The following HYAL4 variants were observed in gnomAD, a reference collection of about 807,000 sequenced individuals.
HYAL4 encodes the protein hyaluronidase-4.
In HYAL4, 37 loss-of-function variants were observed where a neutral mutation model predicts 35.2. The ratio of observed to expected loss-of-function variants is 1.05; its 90% CI spans 0.81 to 1.38. The LOEUF (loss-of-function observed/expected upper bound fraction) is 1.38. Among genes scored for constraint, HYAL4 ranks in the 40% most tolerant of loss-of-function variants. The pLI is 0.00. For missense variants in HYAL4, 572 were observed against 572.4 expected (o/e 1.00, Z 0.01); for synonymous variants, 198 against 203.2 (o/e 0.97, Z 0.22).
At chr7:123,818,090 T>A in the HYAL4 span, among the ~76,000 whole-genome samples, 3 of 152,184 alleles carry the variant, frequency 2.0e-5, no homozygotes, top group African/African-American at 7.2e-5. Flanking sequence ...TTGGCCAGGC[T>A]GGTCTCGAAC....
At chr7:123,778,194 T>TATCA in the HYAL4 span, among the ~76,000 whole-genome samples, 1 of 145,672 alleles carries the variant, frequency 6.9e-6, no homozygotes, top group South Asian at 2.2e-4. Context: ...TCTATCTATC[T>TATCA]ATCACCTATT....
chr7:123,821,105 A>T, the HYAL4 span, among the ~76,000 whole-genome samples: 1 of 152,194 alleles, frequency 6.6e-6, no homozygotes, highest in South Asian at 2.1e-4. Flanking sequence ...GTGCTGCAAT[A>T]TACATGGGAA....
At chr7:123,803,364 A>C in the HYAL4 span, among the ~76,000 whole-genome samples, 1 of 152,258 alleles carries the variant, frequency 6.6e-6, no homozygotes, top group Admixed American at 6.5e-5. Flanking sequence ...CGCCTTCACT[A>C]GACTGATTTA....
chr7:123,806,476 T>A, the HYAL4 span, among the ~76,000 whole-genome samples: 1 of 152,114 alleles, frequency 6.6e-6, no homozygotes, highest in African/African-American at 2.4e-5. Context: ...GGAGTTTCAC[T>A]CTTGTTGTCC....
chr7:123,814,050 C>T, the HYAL4 span: 1 of 152,096 alleles, frequency 6.6e-6, no homozygotes. Flanking sequence ...TTGTATACCA[C>T]AAAACTTAAG....
At chr7:123,869,740 T>A (rs1033020064) in intron 3 of HYAL4, among the ~76,000 whole-genome samples, 6 of 151,304 alleles carry the variant, frequency 4.0e-5, no homozygotes, top group African/African-American at 1.2e-4. Flanking sequence ...TAGGCTGGAG[T>A]GTAATGATGC....
chr7:123,848,845 G>A (rs1484698109), intron 2 of HYAL4, among the ~76,000 whole-genome samples: 4 of 152,126 alleles, frequency 2.6e-5, no homozygotes, highest in African/African-American at 9.7e-5. Context: ...AAAGGGCTCA[G>A]AAAGTGGATG....
chr7:123,784,828 G>A, the HYAL4 span, among the ~76,000 whole-genome samples: 2 of 152,098 alleles, frequency 1.3e-5, no homozygotes, highest in Non-Finnish European at 2.9e-5. Context: ...CTTGGTAGTC[G>A]CAGGTTGGAT....
intron 2 of HYAL4, among the ~76,000 whole-genome samples, chr7:123,852,376 T>A (rs939112350): frequency 1.6e-4 from 24 of 152,258 alleles, no homozygotes; most frequent in Non-Finnish European, 3.5e-4. Flanking sequence ...TTTTAGGTCT[T>A]AGGTTTAAGT....
At chr7:123,786,672 C>T in the HYAL4 span, among the ~76,000 whole-genome samples, 1 of 152,044 alleles carries the variant, frequency 6.6e-6, no homozygotes, top group African/African-American at 2.4e-5. Context: ...GTGTTGCAAC[C>T]TTAGCACATA....
intron 2 of HYAL4, among the ~76,000 whole-genome samples, chr7:123,866,825 T>A (rs1806699065): frequency 6.9e-6 from 1 of 145,768 alleles, no homozygotes; most frequent in African/African-American, 2.6e-5. Context: ...TGAGTCTCGC[T>A]CTGTTGCCAG....
At chr7:123,859,495 T>G (rs1806533341) in intron 2 of HYAL4, among the ~76,000 whole-genome samples, 1 of 152,182 alleles carries the variant, frequency 6.6e-6, no homozygotes, top group African/African-American at 2.4e-5. Flanking sequence ...CAATCAATAA[T>G]TAGCTTTTAA....
intron 3 of HYAL4, among the ~76,000 whole-genome samples, chr7:123,870,301 G>A (rs550171928): frequency 1.3e-5 from 2 of 152,288 alleles, no homozygotes; most frequent in African/African-American, 4.8e-5. Context: ...GAGAAATGAT[G>A]CATGTGTATG....
chr7:123,840,339 G>A (rs1370882865), upstream of HYAL4, among the ~76,000 whole-genome samples: 2 of 152,064 alleles, frequency 1.3e-5, no homozygotes, highest in Non-Finnish European at 2.9e-5. Flanking sequence ...CTGTTCCATT[G>A]GTCTATATAT....
chr7:123,835,268 G>A (rs1469417453), intron 1 of HYAL4, among the ~76,000 whole-genome samples: 1 of 151,988 alleles, frequency 6.6e-6, no homozygotes, highest in African/African-American at 2.4e-5. Context: ...TTTGTTATTG[G>A]TCTGTTCAGG....
intron 3 of HYAL4, among the ~76,000 whole-genome samples, chr7:123,873,039 A>G (rs544201198): frequency 6.6e-6 from 1 of 152,154 alleles, no homozygotes; most frequent in Non-Finnish European, 1.5e-5. Flanking sequence ...TGATCATACC[A>G]TGTGACTATA....
At chr7:123,796,097 C>G in the HYAL4 span, among the ~76,000 whole-genome samples, 1 of 152,202 alleles carries the variant, frequency 6.6e-6, no homozygotes, top group Non-Finnish European at 1.5e-5. Context: ...CTCTGTAAAG[C>G]TTGTATTTAG....
the HYAL4 span, among the ~76,000 whole-genome samples, chr7:123,802,494 CA>C: frequency 7.9e-5 from 12 of 152,194 alleles, no homozygotes; most frequent in Admixed American, 2.0e-4. Context: ...TATTAGACAA[CA>C]AATCAAGTTC....
upstream of HYAL4, among the ~76,000 whole-genome samples, chr7:123,825,622 A>T (rs528409509): frequency 1.3e-5 from 2 of 152,260 alleles, no homozygotes; most frequent in Admixed American, 1.3e-4. Flanking sequence ...AGGGCTGACT[A>T]TGCCCCAAGA....
Sources: allele counts gnomAD v4.1 joint callset (sites outside exome capture counted in the v4.1 genomes callset), GRCh38; gene constraint gnomAD v4.1.1; transcripts MANE v1.5; gene names NCBI Gene and HGNC (gene_info 2026-07-23, HGNC 2026-07-21).